Variants in CCDC178 observed in about 807,000 individuals in gnomAD.
The protein encoded by CCDC178 is coiled-coil domain containing 178, also known as coiled-coil domain-containing protein 178.
Under a neutral mutation model 117.4 loss-of-function variants are expected in CCDC178, and 126 were observed. The observed-to-expected ratio is 1.07, with a 90% CI of 0.93 to 1.24. CCDC178 has a LOEUF of 1.24. CCDC178 is among the 50% of genes most tolerant of loss of function. The probability of loss-of-function intolerance (pLI) is 0.00; values close to 1 mark genes in which losing one functional copy is unlikely to be tolerated. For synonymous variants in CCDC178, 283 were observed against 313.4 expected (o/e 0.90, Z 1.02); for missense variants, 1,030 against 986.9 (o/e 1.04, Z -0.59).
chr18:32,961,125 TG>T (rs2054695309), intron 22 of CCDC178, among the ~76,000 whole-genome samples: 1 of 152,102 alleles, frequency 6.6e-6, no homozygotes, highest in African/African-American at 2.4e-5. Context: ...TTGATAGTGT[TG>T]TTCAACTCTT....
At chr18:33,086,186 T>A (rs2057375487) in intron 21 of CCDC178, among the ~76,000 whole-genome samples, 1 of 151,900 alleles carries the variant, frequency 6.6e-6, no homozygotes, top group South Asian at 2.1e-4. Context: ...TACTACAGTA[T>A]CAAAGAAAGT....
intron 21 of CCDC178, among the ~76,000 whole-genome samples, chr18:33,076,181 G>A (rs748938727): frequency 1.6e-4 from 25 of 152,264 alleles, no homozygotes; most frequent in Non-Finnish European, 3.1e-4. Flanking sequence ...GTGGCCCCAC[G>A]CCTTGCTCAC....
intron 21 of CCDC178, among the ~76,000 whole-genome samples, chr18:32,983,547 A>T (rs1379191393): frequency 6.6e-6 from 1 of 152,146 alleles, no homozygotes; most frequent in Non-Finnish European, 1.5e-5. Flanking sequence ...AATTAAAATC[A>T]TATTTAAAGC....
At chr18:33,413,181 T>C (rs1599289676) in intron 2 of CCDC178, among the ~76,000 whole-genome samples, 1 of 152,194 alleles carries the variant, frequency 6.6e-6, no homozygotes, top group African/African-American at 2.4e-5. Context: ...TTGTTTGTTT[T>C]ACAAGTCAGA....
At chr18:33,080,316 C>T (rs1207625395) in intron 21 of CCDC178, among the ~76,000 whole-genome samples, 4 of 152,070 alleles carry the variant, frequency 2.6e-5, no homozygotes, top group Non-Finnish European at 5.9e-5. Flanking sequence ...AAAATAGGTA[C>T]TATGTTTAGT....
intron 21 of CCDC178, among the ~76,000 whole-genome samples, chr18:33,039,986 G>A (rs1413972588): frequency 6.6e-6 from 1 of 151,364 alleles, no homozygotes; most frequent in Non-Finnish European, 1.5e-5. Context: ...GAAAATCCAG[G>A]ATTTATAAAA....
intron 21 of CCDC178, among the ~76,000 whole-genome samples, chr18:33,056,115 AT>A (rs2056826492): frequency 6.6e-6 from 1 of 152,168 alleles, no homozygotes; most frequent in Admixed American, 6.5e-5. Flanking sequence ...ATGGAAGATT[AT>A]TAAATAAATG....
intron 12 of CCDC178, among the ~76,000 whole-genome samples, chr18:33,275,135 C>T (rs2144798423): frequency 6.6e-6 from 1 of 152,072 alleles, no homozygotes; most frequent in Non-Finnish European, 1.5e-5. Flanking sequence ...TGCTATCAGG[C>T]AGGAACATGA....
At chr18:33,055,830 A>C (rs1218412107) in intron 21 of CCDC178, among the ~76,000 whole-genome samples, 1 of 139,158 alleles carries the variant, frequency 7.2e-6, no homozygotes, top group African/African-American at 2.7e-5. Flanking sequence ...TTTGAGAAGG[A>C]GTCTTGCTCT....
intron 2 of CCDC178, among the ~76,000 whole-genome samples, chr18:33,429,376 CAGAG>C (rs990898615): frequency 4.6e-5 from 7 of 150,830 alleles, no homozygotes; most frequent in African/African-American, 1.2e-4. Flanking sequence ...GAGAGACAGA[CAGAG>C]AGAGAGAGAG....
chr18:33,327,483 G>C (rs1168328650), intron 10 of CCDC178, among the ~76,000 whole-genome samples: 1 of 152,056 alleles, frequency 6.6e-6, no homozygotes, highest in Non-Finnish European at 1.5e-5. Context: ...GAGTACAATT[G>C]CTGAAGAATA....
At chr18:33,391,959 G>GT (rs1410129958) in intron 4 of CCDC178, among the ~76,000 whole-genome samples, 1 of 151,964 alleles carries the variant, frequency 6.6e-6, no homozygotes, top group African/African-American at 2.4e-5. Context: ...TGCCTCCTGG[G>GT]TTCAAGCGAT....
At chr18:33,132,770 A>C (rs538313461) in intron 20 of CCDC178, among the ~76,000 whole-genome samples, 1 of 151,818 alleles carries the variant, frequency 6.6e-6, no homozygotes, top group African/African-American at 2.4e-5. Flanking sequence ...AAATCTACAA[A>C]TAGTATGTAA....
rs778577127 is a variant in CCDC178, at chr18:33,424,942, C to A, written c.-22-12832G>T. 3.9e-5 allele frequency among the ~76,000 whole-genome samples: 6 copies of A among 152,146 alleles called. No individual in the cohort carries two copies. The East Asian group carries it at 7.7e-4, about 20-fold the overall frequency. On this transcript the variant is annotated intron_variant, in intron 2 of 22. Transcript: ENST00000383096. ...GCATGGGCTCGAACCTGACCCCAGG[C>A]GTGATATTTGGTGTAGTCGTGGACC...
At chr18:32,974,221 G>A (rs1185144613) in intron 22 of CCDC178, among the ~76,000 whole-genome samples, 1 of 152,072 alleles carries the variant, frequency 6.6e-6, no homozygotes, top group Non-Finnish European at 1.5e-5. Flanking sequence ...TCAGCACAAG[G>A]TATCTTGTGT....
chr18:33,244,913 C>T (rs1189974998), intron 15 of CCDC178, among the ~76,000 whole-genome samples: 1 of 151,940 alleles, frequency 6.6e-6, no homozygotes, highest in Non-Finnish European at 1.5e-5. Context: ...CTCTCAGAAT[C>T]CCTTCTTCCT....
chr18:33,170,482 T>C (rs1486037839), intron 20 of CCDC178, among the ~76,000 whole-genome samples: 1 of 152,126 alleles, frequency 6.6e-6, no homozygotes, highest in Non-Finnish European at 1.5e-5. Context: ...GAAAGTGCAA[T>C]TTAAAATATG....
intron 20 of CCDC178, among the ~76,000 whole-genome samples, chr18:33,124,223 G>T (rs1263547623): frequency 1.3e-5 from 2 of 152,140 alleles, no homozygotes; most frequent in African/African-American, 4.8e-5. Flanking sequence ...AAATTAACAA[G>T]TGCTACTAAC....
Position 33,338,455 on chromosome 18 carries a change from T to C in CCDC178, c.659-5061A>G, listed in dbSNP as rs139414296. On this transcript the variant is annotated intron_variant, in intron 9 of 22. Coordinates refer to ENST00000383096, the MANE Select transcript of CCDC178 (RefSeq NM_001105528.4). Reference sequence around the variant, plus strand: ...TGAAAAAGATACTTGCAAATGCATGTTTATAGCAACAAAACTTGCAATGCA... The same window carrying C: ...TGAAAAAGATACTTGCAAATGCATGCTTATAGCAACAAAACTTGCAATGCA... Among the ~76,000 whole-genome samples, 113 of 152,262 alleles carry C rather than the reference T, an allele frequency of 7.4e-4. 1 individual carries two copies. Among genetic ancestry groups the C allele is most frequent in the East Asian group, 3.9e-4 (2 of 5,180 alleles).
Sources: allele counts gnomAD v4.1 joint callset (sites outside exome capture counted in the v4.1 genomes callset), GRCh38; gene constraint gnomAD v4.1.1; transcripts MANE v1.5; gene names NCBI Gene and HGNC (gene_info 2026-07-23, HGNC 2026-07-21).